CLCN3: variants seen among roughly 807,000 people sequenced by gnomAD.
CLCN3 encodes H(+)/Cl(-) exchange transporter 3.
In CLCN3, 16 loss-of-function variants were observed where a neutral mutation model predicts 83.4. That is an observed-to-expected ratio of 0.19 (90% CI 0.13 to 0.29). The LOEUF is 0.29. Among genes scored for constraint, CLCN3 ranks in the 10% least tolerant of loss-of-function variants. CLCN3 has a pLI of 1.00. For synonymous variants in CLCN3, 322 were observed against 346.2 expected, an observed-to-expected ratio of 0.93 and a Z score of 0.78; for missense variants, 544 against 1,006.0, an observed-to-expected ratio of 0.54 and a Z score of 6.21.
At chr4:169,654,263 CTCTT>C (rs1730818811) in intron 2 of CLCN3, among the ~76,000 whole-genome samples, 1 of 151,838 alleles carries the variant, frequency 6.6e-6, no homozygotes, top group African/African-American at 2.4e-5. Context: ...TTCTTCCTCT[CTCTT>C]GTTCTCCTTT....
chr4:169,645,925 T>C (rs1381886093), intron 2 of CLCN3, among the ~76,000 whole-genome samples: 3 of 152,178 alleles, frequency 2.0e-5, no homozygotes, highest in Non-Finnish European at 4.4e-5. Context: ...TCCTCCTAAA[T>C]TGAGCAACAC....
intron 1 of CLCN3, among the ~76,000 whole-genome samples, chr4:169,633,880 C>T (rs534325526): frequency 3.3e-5 from 5 of 152,070 alleles, no homozygotes; most frequent in South Asian, 4.1e-4. Flanking sequence ...TTCAATGGCT[C>T]GATAGCCGTA....
intron 3 of CLCN3, among the ~76,000 whole-genome samples, chr4:169,682,429 A>G (rs949501295): frequency 2.4e-4 from 36 of 152,198 alleles, no homozygotes; most frequent in Non-Finnish European, 4.3e-4. Context: ...TGGTTTCATT[A>G]TTGAGAAAAT....
intron 2 of CLCN3, among the ~76,000 whole-genome samples, chr4:169,665,722 AG>A (rs1180216105): frequency 6.6e-6 from 1 of 152,202 alleles, no homozygotes; most frequent in Non-Finnish European, 1.5e-5. Context: ...TTTTTTAAAA[AG>A]GTTCATATGT....
At chr4:169,627,759 A>G (rs2150196885) in intron 1 of CLCN3, among the ~76,000 whole-genome samples, 1 of 152,338 alleles carries the variant, frequency 6.6e-6, no homozygotes, top group Admixed American at 6.5e-5. Context: ...TATTTCTTAT[A>G]CATTTGTTAT....
intron 9 of CLCN3, among the ~76,000 whole-genome samples, chr4:169,698,924 C>CT (rs1447649751): frequency 6.6e-6 from 1 of 152,236 alleles, no homozygotes; most frequent in Non-Finnish European, 1.5e-5. Flanking sequence ...CTGGTCAAGT[C>CT]TTTCTCTTGT....
At chr4:169,665,492 C>T (rs1731210870) in intron 2 of CLCN3, among the ~76,000 whole-genome samples, 1 of 151,980 alleles carries the variant, frequency 6.6e-6, no homozygotes, top group Non-Finnish European at 1.5e-5. Context: ...CCTTTTTAAT[C>T]TTTGATTTGG....
intron 2 of CLCN3, among the ~76,000 whole-genome samples, chr4:169,667,753 CTT>C (rs894303595): frequency 7.6e-6 from 1 of 131,780 alleles, no homozygotes; most frequent in African/African-American, 2.6e-5. Flanking sequence ...ACTTTTTTTT[CTT>C]TTTTTTTTTG....
intron 2 of CLCN3, among the ~76,000 whole-genome samples, chr4:169,644,594 T>C (rs1221070989): frequency 1.3e-5 from 2 of 152,190 alleles, no homozygotes; most frequent in Admixed American, 1.3e-4. Flanking sequence ...TTATGCTAGA[T>C]ATCAAGCTGT....
At chr4:169,672,432 G>A (rs573469285) in intron 2 of CLCN3, among the ~76,000 whole-genome samples, 182 of 151,890 alleles carry the variant, frequency 1.2e-3, no homozygotes, top group African/African-American at 3.6e-3. Flanking sequence ...GAGTCACCAC[G>A]CCCAGCCTTT....
At chr4:169,645,969 TGTTA>T (rs1408606817) in intron 2 of CLCN3, among the ~76,000 whole-genome samples, 2 of 152,224 alleles carry the variant, frequency 1.3e-5, no homozygotes, top group Admixed American at 6.5e-5. Context: ...TAGTAATTTC[TGTTA>T]GTTTGTAAGT....
chr4:169,665,809 G>A (rs1731223718), intron 2 of CLCN3, among the ~76,000 whole-genome samples: 1 of 152,128 alleles, frequency 6.6e-6, no homozygotes, highest in Admixed American at 6.5e-5. Context: ...CATCTTTGGA[G>A]ATTGATCACA....
chr4:169,701,604 G>C (rs1732788292), intron 9 of CLCN3, among the ~76,000 whole-genome samples: 1 of 152,156 alleles, frequency 6.6e-6, no homozygotes, highest in South Asian at 2.1e-4. Context: ...CAGATCTTCA[G>C]CAACCTCAAC....
At chr4:169,717,394 C>T (rs1412267290) in intron 12 of CLCN3, among the ~76,000 whole-genome samples, 4 of 152,104 alleles carry the variant, frequency 2.6e-5, no homozygotes, top group Non-Finnish European at 5.9e-5. Flanking sequence ...TGTGTTGTGA[C>T]ATCATAGAAA....
intron 2 of CLCN3, chr4:169,659,983 A>C: frequency 2.2e-6 from 2 of 899,936 alleles, no homozygotes; most frequent in Non-Finnish European, 2.7e-6. Context: ...ACCAAAAGAA[A>C]TAATGTTTCT....
intron 1 of CLCN3, among the ~76,000 whole-genome samples, chr4:169,632,145 TA>T (rs1773388155): frequency 1.3e-5 from 2 of 152,116 alleles, no homozygotes; most frequent in South Asian, 4.1e-4. Context: ...AACATAGATG[TA>T]AAAACCTTCA....
Position 169,713,246 on chromosome 4 carries a change from G to T in CLCN3, c.2317G>T (p.Asp773Tyr). The T allele has an allele frequency of 1.2e-6, 2 of 1,614,126 alleles. No individual in the cohort carries two copies. The highest frequency in any genetic ancestry group is 1.7e-6 in the Non-Finnish European group (2 of 1,179,998). The change falls in exon 12 of 13, where the codon GAT (aspartate) becomes TAT (tyrosine). Residue 773 changes from aspartate (D) to tyrosine (Y), a missense_variant. Physicochemically the swap from Asp to Tyr is radical, Grantham distance 160. Coordinates refer to ENST00000513761, the MANE Select transcript of CLCN3 (RefSeq NM_001829.4). ...TDHTPMEIVVDIFRKLGLRQC... is the reference protein window; with the variant it reads ...TDHTPMEIVVYIFRKLGLRQC... ...CCACACCCCAATGGAGATCGTGGTG[G>T]ATATTTTCCGAAAGCTGGGACTGAG...
At chr4:169,694,567 G>A (rs1476043444) in intron 7 of CLCN3, among the ~76,000 whole-genome samples, 6 of 152,212 alleles carry the variant, frequency 3.9e-5, no homozygotes, top group South Asian at 4.1e-4. Flanking sequence ...GGCTGGGCGC[G>A]GTGGCTCACG....
chr4:169,658,502 A>C (rs2150217564), intron 2 of CLCN3, among the ~76,000 whole-genome samples: 1 of 152,190 alleles, frequency 6.6e-6, no homozygotes, highest in African/African-American at 2.4e-5. Context: ...GAATGGTATA[A>C]AAACAAAATC....
Sources: gnomAD v4.1 joint callset for allele counts (sites outside exome capture counted in the v4.1 genomes callset) on GRCh38, gnomAD v4.1.1 for gene constraint, MANE v1.5 for transcripts, NCBI Gene and HGNC (gene_info 2026-07-23, HGNC 2026-07-21) for gene names.